SEL1L2: variants seen among roughly 807,000 people sequenced by gnomAD.
SEL1L2 encodes the protein SEL1L2 adaptor subunit of SYVN1 ubiquitin ligase.
In SEL1L2, 89 loss-of-function variants were observed where a neutral mutation model predicts 98.8. The observed-to-expected ratio is 0.90, with a 90% CI of 0.76 to 1.07. The LOEUF is 1.07. Ranked by LOEUF, SEL1L2 falls within the 50% of genes least tolerant of loss-of-function variation. The probability of loss-of-function intolerance (pLI) is 0.00; values close to 1 mark genes in which losing one functional copy is unlikely to be tolerated. For synonymous variants in SEL1L2, 262 were observed against 278.5 expected (o/e 0.94, Z 0.59); for missense variants, 788 against 812.0 (o/e 0.97, Z 0.36).
rs528853431 is a variant in SEL1L2, at chr20:13,927,583, T to C, written c.283+4020A>G. Among the ~76,000 whole-genome samples the C allele has an allele frequency of 7.2e-5, 11 of 152,366 alleles. No individual in the cohort carries two copies. In the East Asian group the frequency reaches 2.1e-3, roughly 29 times the overall value. ...TATATGTGTTTTGTGAGCATTCCAT[T>C]AAGAATATTTAATCACTAAGAATTA... On this transcript the variant is annotated intron_variant, in intron 3 of 19. Coordinates refer to ENST00000284951, the MANE Select transcript of SEL1L2 (RefSeq NM_025229.2).
chr20:13,883,005 A>G lies in SEL1L2; in HGVS notation c.957+2342T>C, dbSNP rs560750693. Among the ~76,000 whole-genome samples, 296 of 152,102 alleles carry G rather than the reference A, an allele frequency of 1.9e-3. 1 individual carries two copies. The highest frequency in any genetic ancestry group is 6.8e-3 in the African/African-American group (283 of 41,514). On this transcript the variant is annotated intron_variant, in intron 10 of 19. Coordinates refer to ENST00000284951, the MANE Select transcript of SEL1L2 (RefSeq NM_025229.2). ...CTAATTTTTTTTGTGTGTTTTTAGT[A>G]GAGACGGGGTTTCACCGTTTTAGCC...
intron 3 of SEL1L2, among the ~76,000 whole-genome samples, chr20:13,923,589 AC>A (rs1308218375): frequency 2.0e-5 from 3 of 152,152 alleles, no homozygotes; most frequent in African/African-American, 7.2e-5. Context: ...CCTCATTTCT[AC>A]TAATAATACA....
intron 3 of SEL1L2, among the ~76,000 whole-genome samples, chr20:13,924,676 T>G (rs1307367606): frequency 6.6e-6 from 1 of 152,152 alleles, no homozygotes; most frequent in East Asian, 1.9e-4. Context: ...CCTCCCACCT[T>G]GGCCTCCCAA....
intron 5 of SEL1L2, among the ~76,000 whole-genome samples, chr20:13,903,819 A>G (rs575659655): frequency 6.6e-6 from 1 of 152,154 alleles, no homozygotes; most frequent in South Asian, 2.1e-4. Context: ...CATCTTAAGA[A>G]AAAAAAAGTA....
chr20:13,901,907 C>A (rs371058067), intron 5 of SEL1L2, among the ~76,000 whole-genome samples: 1 of 152,154 alleles, frequency 6.6e-6, no homozygotes, highest in Non-Finnish European at 1.5e-5. Flanking sequence ...AAGCAATCCA[C>A]CCGCCTCAGC....
intron 18 of SEL1L2, among the ~76,000 whole-genome samples, chr20:13,855,808 G>A (rs116913590): frequency 1.3e-5 from 2 of 152,342 alleles, no homozygotes; most frequent in East Asian, 1.9e-4. Flanking sequence ...CCACTTCCAC[G>A]CCCTTGCGAG....
At chr20:13,867,489 C>G (rs977968420) in intron 14 of SEL1L2, among the ~76,000 whole-genome samples, 6 of 152,168 alleles carry the variant, frequency 3.9e-5, no homozygotes, top group African/African-American at 1.4e-4. Context: ...TCTTCCAGCT[C>G]TAACACTGGA....
chr20:13,897,906 G>C (rs561173654), intron 5 of SEL1L2, among the ~76,000 whole-genome samples: 2 of 151,282 alleles, frequency 1.3e-5, no homozygotes, highest in African/African-American at 4.8e-5. Flanking sequence ...CCCACAATAA[G>C]ATATTACTTC....
intron 17 of SEL1L2, among the ~76,000 whole-genome samples, chr20:13,862,242 G>C (rs1262587594): frequency 6.6e-6 from 1 of 152,142 alleles, no homozygotes; most frequent in Non-Finnish European, 1.5e-5. Flanking sequence ...ATGTCAAGTA[G>C]AAAAAACTCA....
chr20:13,980,268 T>G (rs1387965021), intron 1 of SEL1L2, among the ~76,000 whole-genome samples: 1 of 152,140 alleles, frequency 6.6e-6, no homozygotes, highest in Non-Finnish European at 1.5e-5. Context: ...CAGGCTGGAG[T>G]GCAGTGGCGT....
At chr20:13,882,238 A>G (rs544945720) in intron 10 of SEL1L2, among the ~76,000 whole-genome samples, 104 of 152,332 alleles carry the variant, frequency 6.8e-4, no homozygotes, top group Admixed American at 5.1e-3. Flanking sequence ...TTATCTTTGT[A>G]TCTTCCCTCT....
At chr20:13,972,311 AC>A (rs1358348626) in intron 1 of SEL1L2, among the ~76,000 whole-genome samples, 1 of 152,190 alleles carries the variant, frequency 6.6e-6, no homozygotes, top group Non-Finnish European at 1.5e-5. Context: ...TTCTCCAGAT[AC>A]ACTTTAATTT....
chr20:13,923,692 T>C (rs1422533259), intron 3 of SEL1L2, among the ~76,000 whole-genome samples: 1 of 152,184 alleles, frequency 6.6e-6, no homozygotes, highest in Admixed American at 6.5e-5. Flanking sequence ...AGGTGGAGTT[T>C]GCAGTGGGCC....
intron 2 of SEL1L2, among the ~76,000 whole-genome samples, chr20:13,943,435 C>A (rs2049870339): frequency 6.7e-6 from 1 of 149,522 alleles, no homozygotes; most frequent in Admixed American, 6.7e-5. Flanking sequence ...GCCATGTCAA[C>A]TTTTCATGGT....
rs748493738 is a variant in SEL1L2, at chr20:13,886,298, A to T, written c.890T>A (p.Val297Asp). 9 of 1,608,050 alleles carry T rather than the reference A, an allele frequency of 5.6e-6. No individual in the cohort carries two copies. Among genetic ancestry groups the T allele is most frequent in the Non-Finnish European group, 7.6e-6 (9 of 1,176,520 alleles). ...YYKFLAERGD[V>D]QIQVSLGQLH... is the part of the protein sequence containing the mutation. The stretch of plus-strand genomic sequence containing the variant: ...ATCTGTATACATTACTTGTATCTGA[A>T]CATCTCCTCTTTCTGCCAAAAATTT... The change falls in exon 9 of 20, where the codon GTT becomes GAT. Residue 297 changes from valine to aspartate, a missense_variant. By Grantham distance (152) the Val-to-Asp change is radical. Transcript: ENST00000284951.
intron 2 of SEL1L2, among the ~76,000 whole-genome samples, chr20:13,939,516 T>G (rs2049644562): frequency 6.6e-6 from 1 of 152,198 alleles, no homozygotes; most frequent in African/African-American, 2.4e-5. Context: ...TGCTAAATAT[T>G]TCAGCCTCCA....
At chr20:13,880,969 A>G (rs1345355846) in intron 10 of SEL1L2, among the ~76,000 whole-genome samples, 3 of 152,154 alleles carry the variant, frequency 2.0e-5, no homozygotes, top group Admixed American at 6.5e-5. Context: ...TTTCCCCTAG[A>G]ATGAAATGCC....
At chr20:13,944,879 A>G (rs915933348) in intron 2 of SEL1L2, among the ~76,000 whole-genome samples, 24 of 152,218 alleles carry the variant, frequency 1.6e-4, no homozygotes, top group Admixed American at 1.4e-3. Context: ...AAGGGAGAAG[A>G]TATGAAACAG....
upstream of SEL1L2, among the ~76,000 whole-genome samples, chr20:13,991,547 T>A (rs949430851): frequency 4.6e-5 from 7 of 152,206 alleles, no homozygotes; most frequent in African/African-American, 1.7e-4. Context: ...CTGCCAGCAT[T>A]CCTTGATTTG....
Sources: gnomAD v4.1 joint callset for allele counts (sites outside exome capture counted in the v4.1 genomes callset) on GRCh38, gnomAD v4.1.1 for gene constraint, MANE v1.5 for transcripts, NCBI Gene and HGNC (gene_info 2026-07-23, HGNC 2026-07-21) for gene names.